SLC38A10: variants seen among roughly 807,000 people sequenced by gnomAD.
The protein encoded by SLC38A10 is Sodium-coupled neutral amino acid transporter 10.
SLC38A10 carries 53 observed loss-of-function variants against 81.0 expected under a neutral mutation model. The ratio of observed to expected loss-of-function variants is 0.65; its 90% CI spans 0.53 to 0.82. SLC38A10 has a LOEUF of 0.82. SLC38A10 is among the 40% of genes least tolerant of loss of function. SLC38A10 has a pLI of 0.00. For missense variants in SLC38A10, 1,471 were observed against 1,545.0 expected, an observed-to-expected ratio of 0.95 and a Z score of 0.80; for synonymous variants, 665 against 655.3, an observed-to-expected ratio of 1.01 and a Z score of -0.23.
In SLC38A10 at chr17:81,245,659, C is replaced by CTGGGTCCA; in HGVS notation, c.3256_3257insTGGACCCA (p.Arg1086LeufsTer43). The CTGGGTCCA allele has an allele frequency of 6.2e-7, 1 of 1,611,256 alleles. No individual in the cohort carries two copies. Among genetic ancestry groups the CTGGGTCCA allele is most frequent in the South Asian group, 1.1e-5 (1 of 90,932 alleles). On this transcript the variant is annotated frameshift_variant, in exon 16 of 16. Coordinates refer to ENST00000374759, the MANE Select transcript of SLC38A10 (RefSeq NM_001037984.3). LOFTEE classifies it low-confidence loss of function (END_TRUNC). Reference sequence around the variant, plus strand: ...GCGGAGCTGGGCATCCAGGGCGCCACGGAGGTCGTTCACCTGGACATCAGG... The same window carrying CTGGGTCCA: ...GCGGAGCTGGGCATCCAGGGCGCCACTGGGTCCAGGAGGTCGTTCACCTGGACATCAGG...
rs115320430 is a variant in SLC38A10 at position 81,287,531 on chromosome 17, C to T, written c.217+2160G>A. On this transcript the variant is annotated intron_variant, in intron 2 of 15. Transcript: ENST00000374759. ...ACGCGGAGCAGCTGGGCCCAGGGGC[C>T]TCTGTCCGGAGCTCACGCAGTGGAA... Among the ~76,000 whole-genome samples the T allele has an allele frequency of 7.4e-3, 1,120 of 152,366 alleles. 15 individuals are homozygous for T. Among genetic ancestry groups the T allele is most frequent in the African/African-American group, 0.025 (1,057 of 41,576 alleles).
chr17:81,284,049 C>CT (rs2063241246), intron 3 of SLC38A10, among the ~76,000 whole-genome samples: 1 of 151,446 alleles, frequency 6.6e-6, no homozygotes, highest in Non-Finnish European at 1.5e-5. Context: ...TGCGGAGGCT[C>CT]TAAAAGTTAC....
intron 14 of SLC38A10, chr17:81,251,111 C>T: frequency 6.6e-7 from 1 of 1,507,298 alleles, no homozygotes; most frequent in South Asian, 1.4e-5. Context: ...GCAGGCACGC[C>T]CACACCTGGC....
In SLC38A10 at chr17:81,276,116, G is replaced by A; in HGVS notation, c.765C>T (p.Ala255=). 3 of 1,613,592 alleles carry A rather than the reference G, an allele frequency of 1.9e-6. No individual in the cohort carries two copies. Among genetic ancestry groups the A allele is most frequent in the Non-Finnish European group, 2.5e-6 (3 of 1,179,808 alleles). The part of the protein sequence containing the change: ...GFFGYVSFTE[A]TAGNVLMHFP... ...AGTGCATGAGCACGTTGCCGGCCGT[G>A]GCCTCGGTGAAGCTGACGTAGCCGA... Residue 255 remains alanine, a synonymous_variant, in exon 8 of 16, where the codon GCC becomes GCT. Transcript: ENST00000374759. The surrounding 1 kb of genome is among the most constrained non-coding windows in gnomAD (Gnocchi z 4.7).
In SLC38A10 at chr17:81,286,413, C is replaced by T. The variant is rs769463775; in HGVS notation, c.218-1518G>A. ...CCCACCACGCTGAGACACGGCCCCA[C>T]GCGCCTTCTTTTCCCCACCTGGGCC... On this transcript the variant is annotated intron_variant, in intron 2 of 15. Coordinates refer to ENST00000374759, the MANE Select transcript of SLC38A10 (RefSeq NM_001037984.3). The surrounding 1 kb of genome is among the most constrained non-coding windows in gnomAD (Gnocchi z 6.0). 3.4e-4 allele frequency among the ~76,000 whole-genome samples: 51 copies of T among 152,170 alleles called. No homozygotes were observed. Among genetic ancestry groups the T allele is most frequent in the Non-Finnish European group, 5.7e-4 (39 of 68,030 alleles).
At chr17:81,284,383 T>C (rs1567947101) in intron 3 of SLC38A10, among the ~76,000 whole-genome samples, 1 of 152,084 alleles carries the variant, frequency 6.6e-6, no homozygotes, top group Non-Finnish European at 1.5e-5. Context: ...AGCCCCACGA[T>C]GTTAGTCAAG....
In SLC38A10 at chr17:81,253,236, C is replaced by T. The variant is rs764426820; in HGVS notation, c.1293G>A (p.Gln431=). The change falls in exon 12 of 16, where the codon CAG becomes CAA. Residue 431 remains glutamine, a synonymous_variant. Transcript: ENST00000374759. The surrounding 1 kb of genome is among the most constrained non-coding windows in gnomAD (Gnocchi z 4.1). The part of the protein sequence containing the change: ...MKVEAARLSA[Q]DPVVAVAEDG... ...CCTCAGCCACGGCCACAACCGGATC[C>T]TGGGCTGGGAGCAGGGCACAGTTAG... is the stretch of plus-strand genomic sequence containing the variant. 3.1e-6 allele frequency: 5 copies of T among 1,613,642 alleles called. No individual in the cohort carries two copies. Among genetic ancestry groups the T allele is most frequent in the East Asian group, 2.2e-5 (1 of 44,890 alleles).
intron 10 of SLC38A10, among the ~76,000 whole-genome samples, chr17:81,262,097 G>T (rs756058235): frequency 6.6e-6 from 1 of 152,244 alleles, no homozygotes; most frequent in African/African-American, 2.4e-5. Context: ...CGGAACTCTC[G>T]CGAGGCTGCC....
Position 81,253,018 on chromosome 17 carries a change from A to G in SLC38A10, c.1456+55T>C. Reference sequence around the variant, plus strand: ...CACCCCGCAGGGTGTCCAGCCTGCAAAGGAGGACCCGGGGCCGCCCTTCCC... The same window carrying G: ...CACCCCGCAGGGTGTCCAGCCTGCAGAGGAGGACCCGGGGCCGCCCTTCCC... On this transcript the variant is annotated intron_variant, in intron 12 of 15. Coordinates refer to ENST00000374759, the MANE Select transcript of SLC38A10 (RefSeq NM_001037984.3). The surrounding 1 kb of genome is among the most constrained non-coding windows in gnomAD (Gnocchi z 4.1). 6.3e-7 allele frequency: 1 copy of G among 1,592,116 alleles called. No individual in the cohort carries two copies. The highest frequency in any genetic ancestry group is 1.1e-5 in the South Asian group (1 of 90,274).
chr17:81,287,840 G>A (rs2063280430), intron 2 of SLC38A10, among the ~76,000 whole-genome samples: 2 of 152,118 alleles, frequency 1.3e-5, no homozygotes, highest in Middle Eastern at 6.8e-3. Context: ...TCTTCTTCCA[G>A]GACACAGCCA....
In SLC38A10 at chr17:81,270,833, G is replaced by GA; in HGVS notation, c.1131+84dup. ...TTGATAGAACCCATCTGAAAACGCT[G>GA]AACCAGGGGCTTCCTCCCGCCTCCA... On this transcript the variant is annotated intron_variant, in intron 10 of 15. Transcript: ENST00000374759. The surrounding 1 kb of genome is among the most constrained non-coding windows in gnomAD (Gnocchi z 4.0). 8.5e-7 allele frequency: 1 copy of GA among 1,181,250 alleles called. No individual in the cohort carries two copies. The highest frequency in any genetic ancestry group is 1.2e-6 in the Non-Finnish European group (1 of 805,626). 73.2% of individuals were successfully genotyped at this position (1,181,250 alleles called of 1,614,324 possible).
At chr17:81,292,492 T>C (rs938171588) in intron 1 of SLC38A10, among the ~76,000 whole-genome samples, 4 of 151,188 alleles carry the variant, frequency 2.6e-5, no homozygotes, top group South Asian at 4.2e-4. Context: ...AGTTTTTCAA[T>C]GCCAAGGCTG....
In SLC38A10 at chr17:81,294,818, C is replaced by G; in HGVS notation, c.99+5G>C. ...GGCGGTGATCTCCGGGCCCACCGGA[C>G]TCACCTGTTTGAAGCAGAAGGGCAT... On this transcript the variant is annotated splice_donor_5th_base_variant and intron_variant, in intron 1 of 15. Transcript: ENST00000374759. 1 of 1,581,694 alleles carries G rather than the reference C, an allele frequency of 6.3e-7. No homozygotes were observed.
rs774838690 is a variant in SLC38A10 at position 81,289,757 on chromosome 17, G to A, written c.151C>T (p.His51Tyr). 5 of 1,610,974 alleles carry A rather than the reference G, an allele frequency of 3.1e-6. No homozygotes were observed. The highest frequency in any genetic ancestry group is 3.4e-6 in the Non-Finnish European group (4 of 1,179,456). The change falls in exon 2 of 16, where the codon CAC (histidine) becomes TAC (tyrosine). Residue 51 changes from histidine to tyrosine, a missense_variant. Around this residue, in one of 2 missense-constraint regions of SLC38A10, gnomAD observed 720 missense variants for 827.7 expected, o/e 0.87. Coordinates refer to ENST00000374759, the MANE Select transcript of SLC38A10 (RefSeq NM_001037984.3). The surrounding 1 kb of genome is among the most constrained non-coding windows in gnomAD (Gnocchi z 5.9). ...LLLVFCSWMTHQSCMFLVKSA... is the reference protein window; with the variant it reads ...LLLVFCSWMTYQSCMFLVKSA... ...TTCACCAAGAACATGCACGACTGGT[G>A]CGTCATCCATGAGCAGAAGACCAAG...
rs556266632 is a variant in SLC38A10, at chr17:81,253,582, G to A, written c.1289-342C>T. 6.6e-6 allele frequency among the ~76,000 whole-genome samples: 1 copy of A among 150,560 alleles called. No homozygotes were observed. Among genetic ancestry groups the A allele is most frequent in the African/African-American group, 2.4e-5 (1 of 40,958 alleles). On this transcript the variant is annotated intron_variant, in intron 11 of 15. Coordinates refer to ENST00000374759, the MANE Select transcript of SLC38A10 (RefSeq NM_001037984.3). This position sits in a 1 kb window ranked among gnomAD's most constrained non-coding sequence, Gnocchi z 4.1. Reference sequence around the variant, plus strand: ...CACCTCCATCATCACCGTCATCACCGTCACCTCCACCACCACCACCACCAT... The same window carrying A: ...CACCTCCATCATCACCGTCATCACCATCACCTCCACCACCACCACCACCAT...
At chr17:81,247,348 A>C in intron 14 of SLC38A10, 2 of 315,048 alleles carry the variant, frequency 6.3e-6, no homozygotes, top group African/African-American at 2.1e-5. Context: ...CAGTTCTCCC[A>C]CTGGCTGTGC....
intron 13 of SLC38A10, chr17:81,251,880 G>A (rs1465216545): frequency 3.7e-5 from 19 of 514,570 alleles, no homozygotes; most frequent in East Asian, 6.5e-5. Flanking sequence ...GCTCTTAGAC[G>A]GGCACTTAAC....
intron 5 of SLC38A10, 112 bp downstream of exon 5, chr17:81,282,077 C>A: frequency 3.5e-6 from 5 of 1,448,188 alleles, no homozygotes; most frequent in Non-Finnish European, 1.9e-6. Context: ...AACACATTCC[C>A]AGGAGGCAGC....
At chr17:81,247,736 G>C (rs908834897) in intron 14 of SLC38A10, 3 of 151,912 alleles carry the variant, frequency 2.0e-5, no homozygotes, top group African/African-American at 4.8e-5. Flanking sequence ...AGCTACTCGG[G>C]GGGCAGAGGC....
Sources: gnomAD v4.1 joint callset for allele counts (sites outside exome capture counted in the v4.1 genomes callset) on GRCh38, gnomAD v4.1.1 for gene constraint, gnomAD v4.1.1 regional missense constraint, Gnocchi (gnomAD v3.1) non-coding constraint, MANE v1.5 for transcripts, NCBI Gene and HGNC (gene_info 2026-07-23, HGNC 2026-07-21) for gene names.